The following KHDRBS3 variants were observed in gnomAD, a reference collection of about 807,000 sequenced individuals.
KHDRBS3 encodes the protein KH domain-containing, RNA-binding, signal transduction-associated protein 3.
Under a neutral mutation model 45.6 loss-of-function variants are expected in KHDRBS3, and 23 were observed. The observed-to-expected ratio is 0.50, with a 90% CI of 0.36 to 0.72. The LOEUF (loss-of-function observed/expected upper bound fraction) is 0.72, where lower values mean the gene tolerates loss of function less well. Among genes scored for constraint, KHDRBS3 ranks in the 30% least tolerant of loss-of-function variants. The probability of loss-of-function intolerance (pLI) is 0.00; values close to 1 mark genes in which losing one functional copy is unlikely to be tolerated. For synonymous variants in KHDRBS3, 162 were observed against 156.5 expected (o/e 1.04, Z -0.26); for missense variants, 352 against 424.8 (o/e 0.83, Z 1.51).
chr8:135,627,680 A>G (rs1830432892), intron 7 of KHDRBS3, among the ~76,000 whole-genome samples: 1 of 152,222 alleles, frequency 6.6e-6, no homozygotes, highest in Non-Finnish European at 1.5e-5. Context: ...GTTCAGTGAA[A>G]GTTAACATAC....
At chr8:135,625,768 T>G in intron 7 of KHDRBS3, 1 of 764,644 alleles carries the variant, frequency 1.3e-6, no homozygotes, top group South Asian at 1.4e-5. Context: ...AAGTTCTGGA[T>G]GCACCCGTGT....
chr8:135,623,615 GT>G (rs1471897108), intron 7 of KHDRBS3, among the ~76,000 whole-genome samples: 1 of 149,770 alleles, frequency 6.7e-6, no homozygotes, highest in Non-Finnish European at 1.5e-5. Context: ...TTGAGAAACT[GT>G]TTAAAGTAGA....
chr8:135,469,548 G>A (rs1165525164), intron 1 of KHDRBS3, among the ~76,000 whole-genome samples: 2 of 62,474 alleles, frequency 3.2e-5, no homozygotes, highest in African/African-American at 1.3e-4. Context: ...TTTTTTTTTT[G>A]AGACGAGTCT....
At chr8:135,512,269 T>C (rs1375184033) in intron 1 of KHDRBS3, among the ~76,000 whole-genome samples, 3 of 152,176 alleles carry the variant, frequency 2.0e-5, no homozygotes, top group Non-Finnish European at 4.4e-5. Context: ...TATATTTCTT[T>C]TAAAAACAAT....
chr8:135,631,849 C>T (rs990070003), intron 7 of KHDRBS3, among the ~76,000 whole-genome samples: 1 of 152,132 alleles, frequency 6.6e-6, no homozygotes, highest in African/African-American at 2.4e-5. Context: ...ATGTACCGTA[C>T]ATAATTGTAT....
chr8:135,590,642 A>G (rs999424878), intron 6 of KHDRBS3, among the ~76,000 whole-genome samples: 2 of 152,242 alleles, frequency 1.3e-5, no homozygotes, highest in Admixed American at 6.5e-5. Flanking sequence ...AAACAAATAC[A>G]TGTTTTAATG....
chr8:135,493,486 T>A (rs1464158582), intron 1 of KHDRBS3, among the ~76,000 whole-genome samples: 1 of 152,166 alleles, frequency 6.6e-6, no homozygotes, highest in Non-Finnish European at 1.5e-5. Context: ...CCTGTTTTGC[T>A]GCAAGTTTTT....
intron 7 of KHDRBS3, among the ~76,000 whole-genome samples, chr8:135,641,968 T>C (rs558914468): frequency 1.3e-5 from 2 of 149,212 alleles, no homozygotes; most frequent in Non-Finnish European, 2.9e-5. Flanking sequence ...TTAGTCCCTC[T>C]TCTTCTCACC....
At chr8:135,481,273 C>CTGT (rs781285699) in intron 1 of KHDRBS3, among the ~76,000 whole-genome samples, 18 of 36,654 alleles carry the variant, frequency 4.9e-4, no homozygotes, top group African/African-American at 2.2e-3. Flanking sequence ...CTTCTGTGTA[C>CTGT]TTTTTTTTTT....
chr8:135,587,389 C>T (rs1388797056), intron 6 of KHDRBS3, among the ~76,000 whole-genome samples: 2 of 152,186 alleles, frequency 1.3e-5, no homozygotes, highest in African/African-American at 2.4e-5. Flanking sequence ...ATCCATCTCT[C>T]AGTAATTCTC....
chr8:135,610,144 G>C (rs1346369916), intron 7 of KHDRBS3, among the ~76,000 whole-genome samples: 9 of 151,904 alleles, frequency 5.9e-5, no homozygotes, highest in Admixed American at 5.9e-4. Context: ...ATTAAATGCT[G>C]TGATCTGTCA....
chr8:135,527,070 G>T (rs188054754), intron 2 of KHDRBS3, among the ~76,000 whole-genome samples: 1 of 151,988 alleles, frequency 6.6e-6, no homozygotes, highest in East Asian at 1.9e-4. Flanking sequence ...TATGGTTTAG[G>T]GTTTACATTT....
At chr8:135,574,623 G>A (rs1827868324) in intron 5 of KHDRBS3, among the ~76,000 whole-genome samples, 1 of 152,048 alleles carries the variant, frequency 6.6e-6, no homozygotes, top group Non-Finnish European at 1.5e-5. Flanking sequence ...CATGGATATT[G>A]GATAAGGAAA....
chr8:135,502,097 A>G (rs1823765212), intron 1 of KHDRBS3, among the ~76,000 whole-genome samples: 1 of 152,216 alleles, frequency 6.6e-6, no homozygotes, highest in Non-Finnish European at 1.5e-5. Context: ...AATATTTGAC[A>G]CTAAGTCATC....
chr8:135,494,139 G>A (rs1823294958), intron 1 of KHDRBS3, among the ~76,000 whole-genome samples: 1 of 151,810 alleles, frequency 6.6e-6, no homozygotes, highest in African/African-American at 2.4e-5. Flanking sequence ...TTCTTAATCA[G>A]TCTGGCCAGA....
rs192441159 is a variant in KHDRBS3 at position 135,486,663 on chromosome 8, A to G, written c.88+28709A>G. ...TAGAAAGGATTACTAATATTTGTTTATATGGAATCTATGCATATTTAGATA... is the reference window on the plus strand; with the variant it reads ...TAGAAAGGATTACTAATATTTGTTTGTATGGAATCTATGCATATTTAGATA... On this transcript the variant is annotated intron_variant, in intron 1 of 8. Coordinates refer to ENST00000355849, the MANE Select transcript of KHDRBS3 (RefSeq NM_006558.3). Among the ~76,000 whole-genome samples, 13 of 152,328 alleles carry G rather than the reference A, an allele frequency of 8.5e-5. 1 individual carries two copies. In the East Asian group the frequency reaches 2.3e-3, roughly 27 times the overall value.
intron 3 of KHDRBS3, among the ~76,000 whole-genome samples, chr8:135,543,113 A>C (rs1826124077): frequency 6.6e-6 from 1 of 152,120 alleles, no homozygotes; most frequent in Admixed American, 6.6e-5. Context: ...GTGTTTTTGG[A>C]GTCTTTTTTT....
chr8:135,569,178 G>A (rs917609157), intron 5 of KHDRBS3, among the ~76,000 whole-genome samples: 1 of 151,914 alleles, frequency 6.6e-6, no homozygotes, highest in African/African-American at 2.4e-5. Context: ...GAATATTTTA[G>A]GAAGAAGTTT....
At chr8:135,591,825 A>G (rs969605792) in intron 6 of KHDRBS3, among the ~76,000 whole-genome samples, 1 of 152,226 alleles carries the variant, frequency 6.6e-6, no homozygotes, top group Non-Finnish European at 1.5e-5. Flanking sequence ...GGATTTTTAT[A>G]GAGACGGGAG....
Sources: gnomAD v4.1 joint callset for allele counts (sites outside exome capture counted in the v4.1 genomes callset) on GRCh38, gnomAD v4.1.1 for gene constraint, MANE v1.5 for transcripts, NCBI Gene and HGNC (gene_info 2026-07-23, HGNC 2026-07-21) for gene names.